The following GALNTL6 variants were observed in gnomAD, a reference collection of about 807,000 sequenced individuals.
GALNTL6 encodes polypeptide N-acetylgalactosaminyltransferase like 6.
A neutral mutation model predicts 73.7 loss-of-function variants in GALNTL6; 46 were observed. The observed-to-expected ratio is 0.62, with a 90% CI of 0.49 to 0.80. The LOEUF (loss-of-function observed/expected upper bound fraction) is 0.80, where lower values mean the gene tolerates loss of function less well. Ranked by LOEUF, GALNTL6 falls within the 30% of genes least tolerant of loss-of-function variation. The pLI is 0.00. For synonymous variants in GALNTL6, 259 were observed against 263.7 expected, an observed-to-expected ratio of 0.98 and a Z score of 0.17; for missense variants, 604 against 755.0, an observed-to-expected ratio of 0.80 and a Z score of 2.34.
chr4:172,880,535 G>A (rs1329496948), intron 7 of GALNTL6, among the ~76,000 whole-genome samples: 1 of 152,024 alleles, frequency 6.6e-6, no homozygotes, highest in African/African-American at 2.4e-5. Flanking sequence ...AGAGACATGA[G>A]GAAACTTTGA....
chr4:172,485,665 T>C (rs998947945), intron 5 of GALNTL6, among the ~76,000 whole-genome samples: 4 of 152,124 alleles, frequency 2.6e-5, no homozygotes, highest in African/African-American at 4.8e-5. Context: ...TACATCATAC[T>C]ATAAATGAGT....
At chr4:172,916,646 A>G (rs1307562606) in intron 8 of GALNTL6, among the ~76,000 whole-genome samples, 1 of 152,206 alleles carries the variant, frequency 6.6e-6, no homozygotes, top group African/African-American at 2.4e-5. Flanking sequence ...TCCCATTCAC[A>G]ATTGCTTCAA....
chr4:172,114,204 A>C (rs185976884), intron 2 of GALNTL6, among the ~76,000 whole-genome samples: 18 of 152,208 alleles, frequency 1.2e-4, no homozygotes, highest in African/African-American at 3.8e-4. Flanking sequence ...CCTTTGACTA[A>C]TAAGCTTGTT....
At chr4:172,553,234 A>T (rs1326170554) in intron 5 of GALNTL6, among the ~76,000 whole-genome samples, 1 of 152,196 alleles carries the variant, frequency 6.6e-6, no homozygotes, top group Non-Finnish European at 1.5e-5. Context: ...CTTCCAAGAC[A>T]CTTGATCCTG....
intron 5 of GALNTL6, among the ~76,000 whole-genome samples, chr4:172,404,315 C>T (rs975018359): frequency 5.3e-5 from 8 of 152,030 alleles, no homozygotes; most frequent in African/African-American, 1.9e-4. Context: ...GAGTCAAAAC[C>T]CAATGAGAAA....
At position 172,882,746 on chromosome 4, in the gene GALNTL6, G is replaced by A. The variant is rs901192317; in HGVS notation, c.924-44G>A. 4 of 1,219,492 alleles carry A rather than the reference G, an allele frequency of 3.3e-6. No individual in the cohort carries two copies. The Admixed American group carries it at 6.7e-5, about 21-fold the overall frequency. The allele number at this position is 1,219,492 out of a possible 1,614,324, so 75.5% of individuals were successfully genotyped here. ...TTTCCCAAGGAAAATGCCATTGTCT[G>A]TAACGTTCATAGTCCTTTAAAGATT... On this transcript the variant is annotated intron_variant, in intron 7 of 12. Transcript: ENST00000506823.
intron 5 of GALNTL6, among the ~76,000 whole-genome samples, chr4:172,655,118 T>G (rs1280639288): frequency 6.6e-6 from 1 of 152,214 alleles, no homozygotes; most frequent in African/African-American, 2.4e-5. Flanking sequence ...TTATAATATT[T>G]AATTCCATTT....
At chr4:172,272,213 C>T (rs1460747174) in intron 3 of GALNTL6, among the ~76,000 whole-genome samples, 1 of 152,162 alleles carries the variant, frequency 6.6e-6, no homozygotes, top group Non-Finnish European at 1.5e-5. Flanking sequence ...CCTCAGCCTC[C>T]CAAATTGCTG....
chr4:172,795,674 T>C (rs1250733479), intron 5 of GALNTL6, among the ~76,000 whole-genome samples: 1 of 152,154 alleles, frequency 6.6e-6, no homozygotes, highest in African/African-American at 2.4e-5. Context: ...ATTTATCCTT[T>C]GTGTTACAAA....
intron 5 of GALNTL6, among the ~76,000 whole-genome samples, chr4:172,622,484 C>T (rs561687619): frequency 3.9e-5 from 6 of 152,222 alleles, no homozygotes; most frequent in Admixed American, 1.3e-4. Context: ...AAATTATTTA[C>T]GCTAAAGAAA....
At chr4:171,967,973 A>C (rs568766541) in intron 2 of GALNTL6, among the ~76,000 whole-genome samples, 2 of 152,306 alleles carry the variant, frequency 1.3e-5, no homozygotes, top group Admixed American at 1.3e-4. Context: ...TTGTGAGAAC[A>C]GTAGTGTGTG....
intron 2 of GALNTL6, among the ~76,000 whole-genome samples, chr4:171,950,925 A>C (rs1289925497): frequency 2.0e-5 from 3 of 152,208 alleles, no homozygotes; most frequent in Non-Finnish European, 4.4e-5. Flanking sequence ...AATGTAAAAA[A>C]GGAAGAAAAA....
intron 10 of GALNTL6, among the ~76,000 whole-genome samples, chr4:172,964,890 G>GCGAGGAAA (rs1750254170): frequency 6.6e-6 from 1 of 152,174 alleles, no homozygotes; most frequent in African/African-American, 2.4e-5. Context: ...CATTCTTTTG[G>GCGAGGAAA]GAGAGCCAAA....
intron 5 of GALNTL6, among the ~76,000 whole-genome samples, chr4:172,456,710 A>AG (rs1276841030): frequency 6.6e-6 from 1 of 152,112 alleles, no homozygotes; most frequent in African/African-American, 2.4e-5. Flanking sequence ...TGTGAAAAAA[A>AG]CAAACCTATG....
intron 10 of GALNTL6, among the ~76,000 whole-genome samples, chr4:172,954,482 C>T (rs1212384648): frequency 6.6e-6 from 1 of 152,076 alleles, no homozygotes; most frequent in Non-Finnish European, 1.5e-5. Context: ...TTTTATTTTT[C>T]CCGAGACAAG....
At chr4:172,856,077 TC>T (rs922679227) in intron 7 of GALNTL6, among the ~76,000 whole-genome samples, 3 of 152,204 alleles carry the variant, frequency 2.0e-5, no homozygotes, top group African/African-American at 7.2e-5. Flanking sequence ...ATGCCAGCCA[TC>T]TATTGAAAAC....
chr4:172,795,915 A>C (rs1278225778), intron 5 of GALNTL6, among the ~76,000 whole-genome samples: 3 of 151,640 alleles, frequency 2.0e-5, no homozygotes, highest in Admixed American at 1.3e-4. Context: ...AACAATAAGA[A>C]AAAGTTATGA....
chr4:172,887,270 T>C (rs1745771499), intron 8 of GALNTL6, among the ~76,000 whole-genome samples: 1 of 152,220 alleles, frequency 6.6e-6, no homozygotes, highest in Non-Finnish European at 1.5e-5. Context: ...GTATTTGTTA[T>C]CATGAATAGT....
intron 2 of GALNTL6, among the ~76,000 whole-genome samples, chr4:171,909,237 C>T (rs1217437339): frequency 2.7e-5 from 4 of 150,326 alleles, no homozygotes; most frequent in African/African-American, 9.8e-5. Context: ...AAATCATTAA[C>T]TATTTTGTGC....
Sources: gnomAD v4.1 joint callset for allele counts (sites outside exome capture counted in the v4.1 genomes callset) on GRCh38, gnomAD v4.1.1 for gene constraint, MANE v1.5 for transcripts, NCBI Gene and HGNC (gene_info 2026-07-23, HGNC 2026-07-21) for gene names.